The following C14orf39 variants were observed in gnomAD, a reference collection of about 807,000 sequenced individuals.
C14orf39 encodes the protein protein SIX6OS1.
C14orf39 carries 66 observed loss-of-function variants against 85.6 expected under a neutral mutation model. The observed-to-expected ratio is 0.77, with a 90% confidence interval of 0.63 to 0.95. The LOEUF is 0.95. Among genes scored for constraint, C14orf39 ranks in the 40% least tolerant of loss-of-function variants. C14orf39 has a pLI of 0.00. For missense variants in C14orf39, 735 were observed against 663.9 expected (o/e 1.11, Z -1.18); for synonymous variants, 242 against 214.0 (o/e 1.13, Z -1.14).
At chr14:60,486,408 TA>T (rs2140170606), upstream of C14orf39, among the ~76,000 whole-genome samples, 1 of 152,280 alleles carries the variant, frequency 6.6e-6, no homozygotes, top group South Asian at 2.1e-4. Flanking sequence ...TTAACAAGAG[TA>T]AAAAATACTC....
intron 13 of C14orf39, among the ~76,000 whole-genome samples, chr14:60,460,910 A>G (rs1891492715): frequency 6.6e-6 from 1 of 151,930 alleles, no homozygotes; most frequent in African/African-American, 2.4e-5. Flanking sequence ...AATATTCCAC[A>G]TGAAAGAATG....
At chr14:60,512,358 T>TG (rs1397540389) in intron 1 of C14orf39, 1 of 152,228 alleles carries the variant, frequency 6.6e-6, no homozygotes, top group African/African-American at 2.4e-5. Flanking sequence ...CCCATGATCA[T>TG]GCTAGAGTGA....
At chr14:60,509,872 A>C (rs778926562) in intron 1 of C14orf39, 1 of 1,613,542 alleles carries the variant, frequency 6.2e-7, no homozygotes, top group Non-Finnish European at 8.5e-7. Context: ...CCAGCAAAAA[A>C]CGTGAGCTCG....
At chr14:60,507,879 C>T (rs1447739835) in intron 1 of C14orf39, among the ~76,000 whole-genome samples, 1 of 152,162 alleles carries the variant, frequency 6.6e-6, no homozygotes, top group African/African-American at 2.4e-5. Context: ...TTATACAGCC[C>T]CCTACCAGTT....
At chr14:60,461,638 T>G (rs1891541755) in intron 11 of C14orf39, 45 bp from the exon 12 acceptor site, 1 of 1,328,460 alleles carries the variant, frequency 7.5e-7, no homozygotes, top group South Asian at 1.6e-5. Context: ...CACAAAGCAA[T>G]AAAAATTTTT....
At chr14:60,468,185 G>A (rs535891009) in intron 9 of C14orf39, among the ~76,000 whole-genome samples, 1 of 151,762 alleles carries the variant, frequency 6.6e-6, no homozygotes, top group South Asian at 2.1e-4. Flanking sequence ...CAACTGACAG[G>A]TTCTAGAACA....
At chr14:60,485,299 T>C (rs992286717) in intron 1 of C14orf39, among the ~76,000 whole-genome samples, 2 of 152,036 alleles carry the variant, frequency 1.3e-5, no homozygotes, top group African/African-American at 2.4e-5. Flanking sequence ...CGTTGTTGAG[T>C]CGGGGCACGA....
intron 16 of C14orf39, among the ~76,000 whole-genome samples, chr14:60,448,347 GA>G (rs942290734): frequency 1.6e-4 from 24 of 150,834 alleles, no homozygotes; most frequent in South Asian, 4.2e-4. Flanking sequence ...AAATTTATAA[GA>G]AAAAAAATAA....
At chr14:60,449,345 T>C (rs1001185597) in intron 16 of C14orf39, among the ~76,000 whole-genome samples, 1 of 152,218 alleles carries the variant, frequency 6.6e-6, no homozygotes, top group African/African-American at 2.4e-5. Flanking sequence ...TCTTATATAA[T>C]TTAATGCATC....
In C14orf39 at chr14:60,476,030, T is replaced by C. The variant is rs139755444; in HGVS notation, c.323+2270A>G. Among the ~76,000 whole-genome samples, 24 of 152,292 alleles carry C rather than the reference T, an allele frequency of 1.6e-4. 2 individuals are homozygous for C. The highest frequency in any genetic ancestry group is 5.8e-4 in the African/African-American group (24 of 41,568). On this transcript the variant is annotated intron_variant, in intron 5 of 17. Coordinates refer to ENST00000321731, the MANE Select transcript of C14orf39 (RefSeq NM_174978.3). ...AGTAAGGATAACAGCCCTGTGCTAG[T>C]CAGCGGGTCTGAATCTTAAGAAAGT...
In C14orf39 at chr14:60,483,714, C is replaced by T; in HGVS notation, c.210G>A (p.Glu70=). 6.3e-7 allele frequency: 1 copy of T among 1,596,438 alleles called. No individual in the cohort carries two copies. The highest frequency in any genetic ancestry group is 8.5e-7 in the Non-Finnish European group (1 of 1,169,962). Residue 70 remains glutamate, a synonymous_variant, in exon 4 of 18, where the codon GAG becomes GAA. Coordinates refer to ENST00000321731, the MANE Select transcript of C14orf39 (RefSeq NM_174978.3). The part of the protein sequence containing the change: ...EEIDHYCKHS[E]EIKDNCRNWK... Reference sequence around the variant, plus strand: ...ACTTTCTACAGTTGTCTTTAATCTCCTCACTATGTTTACAGTAATGATCAA... The same window carrying T: ...ACTTTCTACAGTTGTCTTTAATCTCTTCACTATGTTTACAGTAATGATCAA...
intron 15 of C14orf39, among the ~76,000 whole-genome samples, 153 bp downstream of exon 15, chr14:60,456,763 AG>A (rs1891297755): frequency 6.6e-6 from 1 of 151,996 alleles, no homozygotes; most frequent in African/African-American, 2.4e-5. Context: ...GGGTAAATGG[AG>A]GTGTGTTATA....
intron 2 of C14orf39, among the ~76,000 whole-genome samples, chr14:60,492,499 C>T (rs962582069): frequency 3.0e-4 from 46 of 151,996 alleles, no homozygotes; most frequent in African/African-American, 9.2e-4. Flanking sequence ...ACGGGCCCGG[C>T]GCAATGGCTC....
At chr14:60,483,080 T>A (rs1284493592) in intron 4 of C14orf39, among the ~76,000 whole-genome samples, 1 of 152,076 alleles carries the variant, frequency 6.6e-6, no homozygotes, top group Non-Finnish European at 1.5e-5. Flanking sequence ...ACTTTTATAA[T>A]TTCTTAAAAC....
At chr14:60,448,738 T>A (rs1890898291) in intron 16 of C14orf39, among the ~76,000 whole-genome samples, 1 of 152,200 alleles carries the variant, frequency 6.6e-6, no homozygotes, top group Non-Finnish European at 1.5e-5. Context: ...ACACGTATGT[T>A]TTTTGTGGCA....
upstream of C14orf39, among the ~76,000 whole-genome samples, chr14:60,489,358 C>T (rs985205172): frequency 3.3e-5 from 5 of 152,196 alleles, no homozygotes; most frequent in African/African-American, 1.2e-4. Flanking sequence ...CTAATCCAAG[C>T]TTTCGTTTCC....
intron 4 of C14orf39, among the ~76,000 whole-genome samples, chr14:60,480,016 A>T (rs1487879927): frequency 1.3e-5 from 2 of 152,250 alleles, no homozygotes; most frequent in Non-Finnish European, 2.9e-5. Flanking sequence ...GAAGAGATAC[A>T]AATGGCCAAC....
rs34082126 is a variant in C14orf39, at chr14:60,471,657, G to A, written c.406C>T (p.Arg136Cys). ...TCTCTTTTCTTCTCATAATATTCACGTGAAAAGGGTGTTTCTGAGTATTTT... is the reference window on the plus strand; with the variant it reads ...TCTCTTTTCTTCTCATAATATTCACATGAAAAGGGTGTTTCTGAGTATTTT... ...QLKYSETPFS[R>C]EYYEKKREHE... is the part of the protein sequence containing the mutation. Residue 136 changes from arginine (R) to cysteine (C), a missense_variant, in exon 6 of 18, where the codon CGT becomes TGT. Transcript: ENST00000321731. 62 of 1,609,000 alleles carry A rather than the reference G, an allele frequency of 3.9e-5. No individual in the cohort carries two copies. The highest frequency in any genetic ancestry group is 4.6e-5 in the Non-Finnish European group (54 of 1,176,804).
At chr14:60,512,956 ACTT>A (rs1893315549) in intron 1 of C14orf39, 1 of 152,224 alleles carries the variant, frequency 6.6e-6, no homozygotes, top group South Asian at 2.1e-4. Flanking sequence ...AAGCCTGCTA[ACTT>A]CTTTAGGCAG....
Sources: gnomAD v4.1 joint callset for allele counts (sites outside exome capture counted in the v4.1 genomes callset) on GRCh38, gnomAD v4.1.1 for gene constraint, MANE v1.5 for transcripts, NCBI Gene and HGNC (gene_info 2026-07-23, HGNC 2026-07-21) for gene names.